Variants in RFTN1 observed in about 807,000 individuals in gnomAD.
RFTN1 encodes raftlin.
RFTN1 carries 26 observed loss-of-function variants against 46.5 expected under a neutral mutation model. The observed-to-expected ratio is 0.56, with a 90% CI of 0.41 to 0.78. The LOEUF is 0.78. RFTN1 is among the 30% of genes least tolerant of loss of function. The probability of loss-of-function intolerance (pLI) is 0.00; values close to 1 mark genes in which losing one functional copy is unlikely to be tolerated. For synonymous variants in RFTN1, 261 were observed against 284.2 expected, an observed-to-expected ratio of 0.92 and a Z score of 0.82; for missense variants, 693 against 718.7, an observed-to-expected ratio of 0.96 and a Z score of 0.41.
chr3:16,398,294 G>A (rs1388031404), intron 4 of RFTN1, among the ~76,000 whole-genome samples: 1 of 144,600 alleles, frequency 6.9e-6, no homozygotes, highest in African/African-American at 2.5e-5. Flanking sequence ...GACTCTCCAA[G>A]AGGGCTTACT....
chr3:16,485,950 A>C (rs2076440782), intron 2 of RFTN1, among the ~76,000 whole-genome samples: 1 of 152,242 alleles, frequency 6.6e-6, no homozygotes, highest in African/African-American at 2.4e-5. Flanking sequence ...TTCATCTGAA[A>C]AGAAAAGAAA....
chr3:16,329,956 G>T lies in RFTN1; in HGVS notation c.1147-3080C>A, dbSNP rs910507055. The stretch of plus-strand genomic sequence containing the variant: ...AACGACCCCTGCTGCAGCCCGACCC[G>T]CCTGCTTAGACAGACTGCAAACCGG... On this transcript the variant is annotated intron_variant, in intron 7 of 9. Transcript: ENST00000334133. This position sits in a 1 kb window ranked among gnomAD's most constrained non-coding sequence, Gnocchi z 4.5. 9.2e-5 allele frequency among the ~76,000 whole-genome samples: 14 copies of T among 152,098 alleles called. No homozygotes were observed. Among genetic ancestry groups the T allele is most frequent in the Admixed American group, 6.5e-5 (1 of 15,270 alleles).
At chr3:16,419,469 G>A (rs1222731446) in intron 3 of RFTN1, among the ~76,000 whole-genome samples, 11 of 152,164 alleles carry the variant, frequency 7.2e-5, no homozygotes, top group South Asian at 2.1e-4. Flanking sequence ...GATTTTTGTC[G>A]AAGGGAGTGG....
chr3:16,448,900 A>G lies in RFTN1; in HGVS notation c.146-14863T>C, dbSNP rs577549116. On this transcript the variant is annotated intron_variant, in intron 2 of 9. Transcript: ENST00000334133. This position sits in a 1 kb window ranked among gnomAD's most constrained non-coding sequence, Gnocchi z 4.1. ...CACAGAGATTATTCATAGCAGAAAT[A>G]TCAATAGACAGTAGGCCCTCCAGTT... 1.3e-5 allele frequency among the ~76,000 whole-genome samples: 2 copies of G among 152,350 alleles called. No individual in the cohort carries two copies. The highest frequency in any genetic ancestry group is 4.8e-5 in the African/African-American group (2 of 41,586).
chr3:16,442,562 ATAGT>A lies in RFTN1; in HGVS notation c.146-8529_146-8526del, dbSNP rs1389398827. Among the ~76,000 whole-genome samples, 4 of 152,190 alleles carry A rather than the reference ATAGT, an allele frequency of 2.6e-5. No homozygotes were observed. Among genetic ancestry groups the A allele is most frequent in the African/African-American group, 4.8e-5 (2 of 41,452 alleles). ...AAAACCAACATAACCATCATCTCAC[ATAGT>A]TAGTTTTCTTTTTTGTGCGTGGTAA... On this transcript the variant is annotated intron_variant, in intron 2 of 9. Transcript: ENST00000334133. This position sits in a 1 kb window ranked among gnomAD's most constrained non-coding sequence, Gnocchi z 4.1.
Position 16,424,721 on chromosome 3 carries a change from C to G in RFTN1, c.332+9130G>C, listed in dbSNP as rs979605875. 6.6e-6 allele frequency among the ~76,000 whole-genome samples: 1 copy of G among 152,096 alleles called. No homozygotes were observed. The highest frequency in any genetic ancestry group is 1.5e-5 in the Non-Finnish European group (1 of 68,004). On this transcript the variant is annotated intron_variant, in intron 3 of 9. Transcript: ENST00000334133. This position sits in a 1 kb window ranked among gnomAD's most constrained non-coding sequence, Gnocchi z 4.7. ...CCTCTTTGTAAATGGTTCCATCTTT[C>G]AATCATTTAAAATATAAAATTTGGA... is the stretch of plus-strand genomic sequence containing the variant.
rs188504126 is a variant in RFTN1 at position 16,478,324 on chromosome 3, A to G, written c.145+15401T>C. Among the ~76,000 whole-genome samples the G allele has an allele frequency of 2.9e-3, 438 of 152,278 alleles. 2 individuals are homozygous for G. Among genetic ancestry groups the G allele is most frequent in the African/African-American group, 0.01 (424 of 41,548 alleles). On this transcript the variant is annotated intron_variant, in intron 2 of 9. Transcript: ENST00000334133. ...TGAAATATAGAGCCCGGGGGCCAAA[A>G]GCTACATTTCCCATCTCCCAATAAG...
At chr3:16,333,131 C>T (rs188539953) in intron 7 of RFTN1, among the ~76,000 whole-genome samples, 101 of 152,296 alleles carry the variant, frequency 6.6e-4, no homozygotes, top group Non-Finnish European at 1.5e-4. Flanking sequence ...AGCATTCCTG[C>T]ACTTAGGAAC....
rs1015515043 is a variant in RFTN1 at position 16,509,103 on chromosome 3, C to T, written c.-9+4339G>A. On this transcript the variant is annotated intron_variant, in intron 1 of 9. Transcript: ENST00000334133. This position sits in a 1 kb window ranked among gnomAD's most constrained non-coding sequence, Gnocchi z 4.9. ...CTGTTCCTTCAATAAAATTGTAATC[C>T]TAATCAACCAATAATATTTTAAATT... Among the ~76,000 whole-genome samples the T allele has an allele frequency of 1.3e-5, 2 of 152,042 alleles. No individual in the cohort carries two copies. Among genetic ancestry groups the T allele is most frequent in the Admixed American group, 1.3e-4 (2 of 15,280 alleles).
At chr3:16,477,193 T>A (rs903134889) in intron 2 of RFTN1, among the ~76,000 whole-genome samples, 2 of 149,644 alleles carry the variant, frequency 1.3e-5, no homozygotes, top group African/African-American at 2.5e-5. Context: ...AGTAAATTAT[T>A]TGGTTTTTTT....
chr3:16,373,521 G>A (rs188551937), intron 5 of RFTN1, among the ~76,000 whole-genome samples: 34 of 152,358 alleles, frequency 2.2e-4, no homozygotes, highest in Admixed American at 2.0e-4. Context: ...GTACCTGGGC[G>A]TGGGGACTCT....
intron 2 of RFTN1, among the ~76,000 whole-genome samples, chr3:16,453,572 G>T (rs563976709): frequency 5.2e-4 from 79 of 152,312 alleles, no homozygotes; most frequent in African/African-American, 1.9e-3. Context: ...TTGAAAGGTT[G>T]ATTACAGCGA....
At position 16,404,138 on chromosome 3, in the gene RFTN1, T is replaced by C. The variant is rs2074751141; in HGVS notation, c.441+5237A>G. Among the ~76,000 whole-genome samples, 6 of 55,336 alleles carry C rather than the reference T, an allele frequency of 1.1e-4. No individual in the cohort carries two copies. In the South Asian group the frequency reaches 3.7e-3, roughly 34 times the overall value. The allele number at this position is 55,336 out of a possible 152,430, so 36.3% of individuals were successfully genotyped here. On this transcript the variant is annotated intron_variant, in intron 4 of 9. Transcript: ENST00000334133. Reference sequence around the variant, plus strand: ...TAATATACATTTTATATATAATATATAATATACATTTTATATATATTATAT... The same window carrying C: ...TAATATACATTTTATATATAATATACAATATACATTTTATATATATTATAT...
At chr3:16,414,290 G>A (rs2075030761) in intron 3 of RFTN1, among the ~76,000 whole-genome samples, 1 of 143,236 alleles carries the variant, frequency 7.0e-6, no homozygotes, top group Non-Finnish European at 1.5e-5. Flanking sequence ...ATGGTGGGAA[G>A]TCTTGAAAAA....
intron 8 of RFTN1, among the ~76,000 whole-genome samples, chr3:16,326,406 T>C (rs2125223938): frequency 6.6e-6 from 1 of 152,342 alleles, no homozygotes; most frequent in South Asian, 2.1e-4. Context: ...TCTTTTCTTT[T>C]TGAGGACTGA....
rs1192012204 is a variant in RFTN1, at chr3:16,465,750, G to A, written c.145+27975C>T. On this transcript the variant is annotated intron_variant, in intron 2 of 9. Coordinates refer to ENST00000334133, the MANE Select transcript of RFTN1 (RefSeq NM_015150.2). The surrounding 1 kb of genome is among the most constrained non-coding windows in gnomAD (Gnocchi z 5.1). ...TTTTCTTTTCACTATACCTTGTGCA[G>A]AAGGCTGAGCAGGGGATGTCCACAT... Among the ~76,000 whole-genome samples, 3 of 152,202 alleles carry A rather than the reference G, an allele frequency of 2.0e-5. No homozygotes were observed. The highest frequency in any genetic ancestry group is 2.9e-5 in the Non-Finnish European group (2 of 68,032).
chr3:16,410,747 A>G lies in RFTN1; in HGVS notation c.333-1264T>C, dbSNP rs1462633272. Among the ~76,000 whole-genome samples, 2 of 152,170 alleles carry G rather than the reference A, an allele frequency of 1.3e-5. No homozygotes were observed. Among genetic ancestry groups the G allele is most frequent in the Non-Finnish European group, 2.9e-5 (2 of 68,020 alleles). ...TCTCTGCACACAGGGGCTGCTTTCC[A>G]AAGCACCACCACATAGACATCCCTG... On this transcript the variant is annotated intron_variant, in intron 3 of 9. Transcript: ENST00000334133. The surrounding 1 kb of genome is among the most constrained non-coding windows in gnomAD (Gnocchi z 4.6).
rs1160567977 is a variant in RFTN1 at position 16,489,129 on chromosome 3, T to C, written c.145+4596A>G. Among the ~76,000 whole-genome samples the C allele has an allele frequency of 6.6e-6, 1 of 152,010 alleles. No homozygotes were observed. Among genetic ancestry groups the C allele is most frequent in the African/African-American group, 2.4e-5 (1 of 41,376 alleles). On this transcript the variant is annotated intron_variant, in intron 2 of 9. Coordinates refer to ENST00000334133, the MANE Select transcript of RFTN1 (RefSeq NM_015150.2). This position sits in a 1 kb window ranked among gnomAD's most constrained non-coding sequence, Gnocchi z 4.0. ...ATAACATCCTGGGAAATAAAATCAG[T>C]GATGGAGGCCGGGTGAGGTGGCTCA...
intron 6 of RFTN1, among the ~76,000 whole-genome samples, chr3:16,367,975 C>G (rs2073301013): frequency 1.3e-5 from 2 of 152,136 alleles, no homozygotes; most frequent in Non-Finnish European, 2.9e-5. Context: ...CTATCTCCAG[C>G]ACCTCTCTGC....
Sources: gnomAD v4.1 joint callset for allele counts (sites outside exome capture counted in the v4.1 genomes callset) on GRCh38, gnomAD v4.1.1 for gene constraint, Gnocchi (gnomAD v3.1) non-coding constraint, MANE v1.5 for transcripts, NCBI Gene and HGNC (gene_info 2026-07-23, HGNC 2026-07-21) for gene names.